The following KLC2 variants were observed in gnomAD, a reference collection of about 807,000 sequenced individuals.
KLC2 encodes the protein KLC 2.
Under a neutral mutation model 75.1 loss-of-function variants are expected in KLC2, and 35 were observed. The observed-to-expected ratio is 0.47, with a 90% CI of 0.36 to 0.62. KLC2 has a LOEUF of 0.62. Among genes scored for constraint, KLC2 ranks in the 20% least tolerant of loss-of-function variants. The pLI, the probability that KLC2 is intolerant of heterozygous loss-of-function variation, is 0.00. For missense variants in KLC2, 611 were observed against 833.2 expected, an observed-to-expected ratio of 0.73 and a Z score of 3.28; for synonymous variants, 314 against 336.7, an observed-to-expected ratio of 0.93 and a Z score of 0.74.
At chr11:66,249,883 C>A in the KLC2 span, among the ~76,000 whole-genome samples, 1 of 152,170 alleles carries the variant, frequency 6.6e-6, no homozygotes, top group Non-Finnish European at 1.5e-5. Context: ...GCCTCCCAAA[C>A]GCTGTTTCCA....
intron 4 of KLC2, chr11:66,262,560 T>C: frequency 1.7e-6 from 1 of 574,126 alleles, no homozygotes; most frequent in East Asian, 2.9e-5. Context: ...GGGCCTCCAC[T>C]CTGTACACAG....
chr11:66,261,690 A>G, intron 2 of KLC2, 52 bp from the exon 3 acceptor site: 1 of 1,251,818 alleles, frequency 8.0e-7, no homozygotes, highest in Non-Finnish European at 1.2e-6. Context: ...GGCTACAGTC[A>G]TAGGCGAGGG....
At chr11:66,256,672 A>T (rs1454277608), upstream of KLC2, among the ~76,000 whole-genome samples, 2 of 152,048 alleles carry the variant, frequency 1.3e-5, no homozygotes. Flanking sequence ...CCTGTCACTT[A>T]AAAAAAACCA....
At chr11:66,255,770 A>AG (rs1856008202), upstream of KLC2, among the ~76,000 whole-genome samples, 1 of 130,312 alleles carries the variant, frequency 7.7e-6, no homozygotes, top group Admixed American at 7.4e-5. Context: ...TTTTTTTTTT[A>AG]GTTTTTTTTT....
rs1445929824 is a variant in KLC2, at chr11:66,261,777, A to G, written c.264A>G (p.Val88=). ...ILALSSHLGA[V]ESEKQKLRAQ... ...CATTGTCGAGCCACCTGGGGGCTGT[A>G]GAATCAGAGAAGCAGAAGCTGCGGG... The change falls in exon 3 of 16, where the codon GTA becomes GTG. Residue 88 remains valine (V), a synonymous_variant. Transcript: ENST00000394067. The G allele has an allele frequency of 6.2e-7, 1 of 1,612,352 alleles. No homozygotes were observed. Among genetic ancestry groups the G allele is most frequent in the African/African-American group, 1.3e-5 (1 of 74,888 alleles).
chr11:66,260,740 G>A (rs1233007227), intron 2 of KLC2, among the ~76,000 whole-genome samples: 2 of 152,094 alleles, frequency 1.3e-5, no homozygotes, highest in East Asian at 3.9e-4. Flanking sequence ...GGGACTACAG[G>A]CACGCGCCAC....
At chr11:66,245,723 A>G in the KLC2 span, among the ~76,000 whole-genome samples, 1 of 152,070 alleles carries the variant, frequency 6.6e-6, no homozygotes, top group African/African-American at 2.4e-5. Flanking sequence ...TCAAAAAAAA[A>G]AAAAAAATTT....
chr11:66,256,334 G>A (rs1475427180), upstream of KLC2, among the ~76,000 whole-genome samples: 1 of 152,110 alleles, frequency 6.6e-6, no homozygotes, highest in Non-Finnish European at 1.5e-5. Flanking sequence ...AAGAGTTTGA[G>A]GTTACAGGCT....
rs1221363470 is a variant in KLC2, at chr11:66,264,516, A to T, written c.1216+72A>T. ...CACTCTGCCATCAGCACCCAGGACA[A>T]ATCCCTCAGCAGGGCAGGCCCTCAG... On this transcript the variant is annotated intron_variant, in intron 9 of 15. Transcript: ENST00000394067. The T allele has an allele frequency of 6.2e-6, 7 of 1,136,366 alleles. No individual in the cohort carries two copies. The East Asian group carries it at 1.2e-4, about 20-fold the overall frequency. The allele number at this position is 1,136,366 out of a possible 1,614,324, so 70.4% of individuals were successfully genotyped here. A position where few individuals can be genotyped will look rare whatever the true frequency, so the allele number is the denominator to read the frequency against.
intron 11 of KLC2, 22 bp downstream of exon 11, chr11:66,265,257 T>C: frequency 1.2e-6 from 1 of 857,732 alleles, no homozygotes. Context: ...GGGGCTGGGC[T>C]GGGGAGCAGG....
chr11:66,248,822 T>C, the KLC2 span, among the ~76,000 whole-genome samples: 1 of 152,192 alleles, frequency 6.6e-6, no homozygotes, highest in Middle Eastern at 3.2e-3. Flanking sequence ...AGCCTGGAAC[T>C]CCTGGGCTCA....
Position 66,264,542 on chromosome 11 carries a change from G to A in KLC2, c.1216+98G>A, listed in dbSNP as rs1856678914. The A allele has an allele frequency of 4.4e-6, 4 of 910,772 alleles. No individual in the cohort carries two copies. In the Admixed American group the frequency reaches 8.0e-5, roughly 18 times the overall value. 56.4% of individuals were successfully genotyped at this position (910,772 alleles called of 1,614,324 possible). A position where few individuals can be genotyped will look rare whatever the true frequency, so the allele number is the denominator to read the frequency against. On this transcript the variant is annotated intron_variant, in intron 9 of 15. Coordinates refer to ENST00000394067, the MANE Select transcript of KLC2 (RefSeq NM_001318734.2). Reference sequence around the variant, plus strand: ...ATCCCTCAGCAGGGCAGGCCCTCAGGCTTTGGCCTGGCTGGTCACCAGCCT... The same window carrying A: ...ATCCCTCAGCAGGGCAGGCCCTCAGACTTTGGCCTGGCTGGTCACCAGCCT...
intron 8 of KLC2, 61 bp downstream of exon 8, chr11:66,264,280 G>T: frequency 6.4e-7 from 1 of 1,567,470 alleles, no homozygotes; most frequent in Non-Finnish European, 8.7e-7. Context: ...TGAGGTTGGG[G>T]AAGAAGGAGA....
chr11:66,250,196 C>T, the KLC2 span, among the ~76,000 whole-genome samples: 1 of 152,164 alleles, frequency 6.6e-6, no homozygotes, highest in African/African-American at 2.4e-5. Flanking sequence ...GCCTCTGTCT[C>T]TTCAGTCATA....
At chr11:66,263,786 A>T (rs1856606724) in intron 6 of KLC2, 39 bp downstream of exon 6, 1 of 1,602,920 alleles carries the variant, frequency 6.2e-7, no homozygotes, top group Non-Finnish European at 8.5e-7. Context: ...GCTGTGCCCC[A>T]TCCCCTGCAG....
At chr11:66,262,028 G>A in intron 3 of KLC2, 56 bp downstream of exon 3, 1 of 1,590,744 alleles carries the variant, frequency 6.3e-7, no homozygotes, top group Non-Finnish European at 8.6e-7. Context: ...AGCAGGGAGG[G>A]GCAGCATGGA....
At chr11:66,245,541 C>A in the KLC2 span, among the ~76,000 whole-genome samples, 1 of 152,138 alleles carries the variant, frequency 6.6e-6, no homozygotes, top group Non-Finnish European at 1.5e-5. Flanking sequence ...CATGGTGAAA[C>A]CCCGTCCCTA....
At chr11:66,246,318 G>C in the KLC2 span, 10 of 152,422 alleles carry the variant, frequency 6.6e-5, no homozygotes, top group Non-Finnish European at 1.2e-4. Flanking sequence ...AGTGGAGGGG[G>C]TGGGACAAGT....
Position 66,267,640 on chromosome 11 carries a change from T to C in KLC2, c.*684T>C. 1 of 586,654 alleles carries C rather than the reference T, an allele frequency of 1.7e-6. No individual in the cohort carries two copies. Among genetic ancestry groups the C allele is most frequent in the South Asian group, 2.0e-5 (1 of 49,370 alleles). 36.3% of individuals were successfully genotyped at this position (586,654 alleles called of 1,614,324 possible). On this transcript the variant is annotated 3_prime_UTR_variant, in exon 16 of 16. Transcript: ENST00000394067. ...CGGGCCCTGCCCCGCATCCCGGCCT[T>C]ATGCACTGCCCCTCCCACCCGGCCC...
Sources: gnomAD v4.1 joint callset for allele counts (sites outside exome capture counted in the v4.1 genomes callset) on GRCh38, gnomAD v4.1.1 for gene constraint, MANE v1.5 for transcripts, NCBI Gene and HGNC (gene_info 2026-07-23, HGNC 2026-07-21) for gene names.